The following MCM2 variants were observed in gnomAD, a reference collection of about 807,000 sequenced individuals.
MCM2 encodes DNA replication licensing factor MCM2.
MCM2 carries 49 observed loss-of-function variants against 86.4 expected under a neutral mutation model. The ratio of observed to expected loss-of-function variants is 0.57; its 90% confidence interval spans 0.45 to 0.72. The LOEUF (loss-of-function observed/expected upper bound fraction) is 0.72. Among genes scored for constraint, MCM2 ranks in the 30% least tolerant of loss-of-function variants. The pLI is 0.00. For missense variants in MCM2, 1,038 were observed against 1,259.9 expected (o/e 0.82, Z 2.67); for synonymous variants, 475 against 484.6 (o/e 0.98, Z 0.26).
At position 127,604,684 on chromosome 3, in the gene MCM2, C is replaced by G; in HGVS notation, c.313C>G (p.Leu105Val). ...TCTGGATGATGAGGACGTAGAGGAG[C>G]TGACGGCCAGTCAGAGGGAGGCAGC... ...LALDDEDVEE[L>V]TASQREAAER... Residue 105 changes from leucine to valine, a missense_variant, in exon 3 of 16, where the codon CTG (leucine) becomes GTG (valine). This residue lies in a region of MCM2 where 300 missense variants were observed against 307.4 expected (regional missense o/e 0.98). Coordinates refer to ENST00000265056, the MANE Select transcript of MCM2 (RefSeq NM_004526.4). The G allele has an allele frequency of 6.2e-7, 1 of 1,612,806 alleles. No individual in the cohort carries two copies. Among genetic ancestry groups the G allele is most frequent in the Non-Finnish European group, 8.5e-7 (1 of 1,179,972 alleles).
At position 127,621,877 on chromosome 3, in the gene MCM2, T is replaced by A; in HGVS notation, c.*104T>A. 1.3e-6 allele frequency: 1 copy of A among 774,888 alleles called. No homozygotes were observed. The highest frequency in any genetic ancestry group is 2.1e-6 in the Non-Finnish European group (1 of 471,248). 48.0% of individuals were successfully genotyped at this position (774,888 alleles called of 1,614,324 possible). On this transcript the variant is annotated 3_prime_UTR_variant, in exon 16 of 16. Transcript: ENST00000265056. Reference sequence around the variant, plus strand: ...ACCAGAGCACTTGATGAACTCGGGGTACTAGGGTCAGGGCTTATAGCAGGA... The same window carrying A: ...ACCAGAGCACTTGATGAACTCGGGGAACTAGGGTCAGGGCTTATAGCAGGA...
intron 1 of MCM2, chr3:127,599,088 G>C: frequency 1.7e-6 from 1 of 581,896 alleles, no homozygotes; most frequent in South Asian, 2.1e-5. Context: ...CCCGATATTT[G>C]AGCTGGCTTC....
At chr3:127,621,537 C>T (rs2074478637) in intron 15 of MCM2, 126 bp from the exon 16 acceptor site, 1 of 668,520 alleles carries the variant, frequency 1.5e-6, no homozygotes, top group Non-Finnish European at 2.6e-6. Flanking sequence ...TCGGCCTCTC[C>T]ACCCCTGGAT....
At chr3:127,602,484 G>A (rs2074312908) in intron 2 of MCM2, among the ~76,000 whole-genome samples, 1 of 152,158 alleles carries the variant, frequency 6.6e-6, no homozygotes, top group Non-Finnish European at 1.5e-5. Context: ...GGAGCTCTGG[G>A]CTTGGACTAT....
Position 127,611,935 on chromosome 3 carries a change from G to A in MCM2, c.1428+2912G>A, listed in dbSNP as rs1467532369. ...GGGATGGTCTCGATCTCCTGACCTCGTGATCCGCCCGCCTCGGCCTCCCAA... is the reference window on the plus strand; with the variant it reads ...GGGATGGTCTCGATCTCCTGACCTCATGATCCGCCCGCCTCGGCCTCCCAA... On this transcript the variant is annotated intron_variant, in intron 8 of 15. Transcript: ENST00000265056. 4.8e-5 allele frequency among the ~76,000 whole-genome samples: 7 copies of A among 144,402 alleles called. 2 individuals are homozygous for A. Among genetic ancestry groups the A allele is most frequent in the East Asian group, 3.9e-4 (2 of 5,172 alleles). The allele number at this position is 144,402 out of a possible 152,430, so 94.7% of individuals were successfully genotyped here.
At chr3:127,611,277 C>T (rs1163142438) in intron 8 of MCM2, among the ~76,000 whole-genome samples, 1 of 152,226 alleles carries the variant, frequency 6.6e-6, no homozygotes, top group Non-Finnish European at 1.5e-5. Context: ...AGCCGGGCCA[C>T]CTGTGTCCCA....
rs1287614221 is a variant in MCM2 at position 127,617,897 on chromosome 3, G to C, written c.1901-72G>C. 8.5e-7 allele frequency: 1 copy of C among 1,174,402 alleles called. No homozygotes were observed. Among genetic ancestry groups the C allele is most frequent in the Non-Finnish European group, 1.2e-6 (1 of 803,238 alleles). 72.7% of individuals were successfully genotyped at this position (1,174,402 alleles called of 1,614,324 possible). ...CTGCCCTCATCCCCTTCTGCCATCA[G>C]AGCAGCCTGGGGTCCCTGAGATGGG... On this transcript the variant is annotated intron_variant, in intron 11 of 15. Coordinates refer to ENST00000265056, the MANE Select transcript of MCM2 (RefSeq NM_004526.4). The surrounding 1 kb of genome is among the most constrained non-coding windows in gnomAD (Gnocchi z 4.1).
Position 127,617,073 on chromosome 3 carries a change from G to T in MCM2, c.1728G>T (p.Leu576=), listed in dbSNP as rs1332362436. ...SREWTLEAGA[L]VLADRGVCLI... The stretch of plus-strand genomic sequence containing the variant: ...AGTGGACCTTGGAGGCTGGGGCCCT[G>T]GTTCTGGCTGACCGAGGAGTGTGTC... Residue 576 remains leucine (L), a synonymous_variant, in exon 10 of 16, where the codon CTG becomes CTT. Transcript: ENST00000265056. This position sits in a 1 kb window ranked among gnomAD's most constrained non-coding sequence, Gnocchi z 4.1. The T allele has an allele frequency of 6.2e-7, 1 of 1,614,074 alleles. No individual in the cohort carries two copies. Among genetic ancestry groups the T allele is most frequent in the Non-Finnish European group, 8.5e-7 (1 of 1,180,034 alleles).
chr3:127,615,815 C>T, intron 8 of MCM2, 47 bp from the exon 9 acceptor site: 1 of 1,406,320 alleles, frequency 7.1e-7, no homozygotes, highest in Non-Finnish European at 1.0e-6. Flanking sequence ...GTGACCTACT[C>T]TGTGAGTATC....
At chr3:127,621,293 G>A (rs1191404069) in intron 15 of MCM2, 65 bp downstream of exon 15, 2 of 1,589,516 alleles carry the variant, frequency 1.3e-6, no homozygotes, top group Non-Finnish European at 1.7e-6. Context: ...GTCTCCTGAT[G>A]GGGGCTCCAT....
intron 2 of MCM2, among the ~76,000 whole-genome samples, chr3:127,600,152 G>A (rs374386664): frequency 2.0e-5 from 3 of 152,186 alleles, no homozygotes; most frequent in African/African-American, 2.4e-5. Context: ...ATGGTGGTGC[G>A]TGCTTGTAGT....
chr3:127,619,017 CT>C lies in MCM2; in HGVS notation c.2014-8del. 2 of 1,577,752 alleles carry C rather than the reference CT, an allele frequency of 1.3e-6. No individual in the cohort carries two copies. The highest frequency in any genetic ancestry group is 8.6e-7 in the Non-Finnish European group (1 of 1,157,996). ...CACAATCAGACCCACCCTCTCATGG[CT>C]TATCTTAGGACGAGATGCTGGCCCG... On this transcript the variant is annotated splice_polypyrimidine_tract_variant and intron_variant, in intron 12 of 15. Transcript: ENST00000265056.
intron 2 of MCM2, among the ~76,000 whole-genome samples, chr3:127,602,785 G>A (rs975012100): frequency 6.6e-6 from 1 of 152,226 alleles, no homozygotes; most frequent in Non-Finnish European, 1.5e-5. Flanking sequence ...GGCTGACTGT[G>A]CATGGAAGCC....
Position 127,617,507 on chromosome 3 carries a change from A to C in MCM2, c.1900+102A>C, listed in dbSNP as rs1424193325. The C allele has an allele frequency of 3.5e-6, 5 of 1,412,182 alleles. No homozygotes were observed. Among genetic ancestry groups the C allele is most frequent in the Non-Finnish European group, 4.7e-6 (5 of 1,059,144 alleles). The allele number at this position is 1,412,182 out of a possible 1,614,324, so 87.5% of individuals were successfully genotyped here. A position where few individuals can be genotyped will look rare whatever the true frequency, so the allele number is the denominator to read the frequency against. The stretch of plus-strand genomic sequence containing the variant: ...GGGTCCCCAGGAGCCGATCTGAGGA[A>C]GTCATTGTGCAGCAGAGGGTTCCCC... On this transcript the variant is annotated intron_variant, in intron 11 of 15. Transcript: ENST00000265056. The surrounding 1 kb of genome is among the most constrained non-coding windows in gnomAD (Gnocchi z 4.1).
Position 127,606,732 on chromosome 3 carries a change from T to A in MCM2, c.1016T>A (p.Phe339Tyr). The change falls in exon 6 of 16, where the codon TTC (phenylalanine) becomes TAC (tyrosine). Residue 339 changes from phenylalanine to tyrosine, a missense_variant. Coordinates refer to ENST00000265056, the MANE Select transcript of MCM2 (RefSeq NM_004526.4). The surrounding 1 kb of genome is among the most constrained non-coding windows in gnomAD (Gnocchi z 4.2). ...CNKCNFVLGP[F>Y]CQSQNQEVKP... ...AAGTGCAATTTCGTCCTGGGTCCTTTCTGCCAGTCCCAGAACCAGGAGGTG... is the reference window on the plus strand; with the variant it reads ...AAGTGCAATTTCGTCCTGGGTCCTTACTGCCAGTCCCAGAACCAGGAGGTG... The A allele has an allele frequency of 6.2e-7, 1 of 1,614,236 alleles. No homozygotes were observed. The highest frequency in any genetic ancestry group is 8.5e-7 in the Non-Finnish European group (1 of 1,180,048).
At chr3:127,611,818 C>T (rs1286820762) in intron 8 of MCM2, among the ~76,000 whole-genome samples, 1 of 145,534 alleles carries the variant, frequency 6.9e-6, no homozygotes, top group African/African-American at 2.6e-5. Context: ...CCTGCCTCAG[C>T]CTCCCAAGTA....
chr3:127,620,800 G>A lies in MCM2; in HGVS notation c.2368G>A (p.Asp790Asn), dbSNP rs369079696. 32 of 1,614,140 alleles carry A rather than the reference G, an allele frequency of 2.0e-5. No individual in the cohort carries two copies. The East Asian group carries it at 3.6e-4, about 18-fold the overall frequency. ...IHLRDYVIEDDVNMAIRVMLE... is the reference protein window; with the variant it reads ...IHLRDYVIEDNVNMAIRVMLE... ...TCTGCGGGACTATGTGATCGAAGACGACGTCAACATGGCCATCCGCGTGAT... is the reference window on the plus strand; with the variant it reads ...TCTGCGGGACTATGTGATCGAAGACAACGTCAACATGGCCATCCGCGTGAT... The change falls in exon 14 of 16, where the codon GAC becomes AAC. Residue 790 changes from aspartate to asparagine, a missense_variant. Asp to Asn is a conservative substitution (Grantham distance 23). Coordinates refer to ENST00000265056, the MANE Select transcript of MCM2 (RefSeq NM_004526.4).
intron 2 of MCM2, among the ~76,000 whole-genome samples, chr3:127,603,575 T>G (rs1464646747): frequency 1.3e-5 from 2 of 152,208 alleles, no homozygotes; most frequent in African/African-American, 2.4e-5. Flanking sequence ...AGCCTTGAAC[T>G]CCTGCGCTCA....
rs1487557415 is a variant in MCM2 at position 127,604,980 on chromosome 3, A to G, written c.497A>G (p.Glu166Gly). Residue 166 changes from glutamate (E) to glycine (G), a missense_variant, in exon 4 of 16, where the codon GAG becomes GGG. Physicochemically the swap from Glu to Gly is moderately conservative, Grantham distance 98. Coordinates refer to ENST00000265056, the MANE Select transcript of MCM2 (RefSeq NM_004526.4). Reference sequence around the variant, plus strand: ...ACGGAGGACGGCGAGGAGGACGAGGAGATGATCGAGAGCATCGAGAACCTG... The same window carrying G: ...ACGGAGGACGGCGAGGAGGACGAGGGGATGATCGAGAGCATCGAGAACCTG... ...RATEDGEEDE[E>G]MIESIENLED... 6.2e-7 allele frequency: 1 copy of G among 1,613,968 alleles called. No homozygotes were observed. The highest frequency in any genetic ancestry group is 1.3e-5 in the African/African-American group (1 of 75,060).
Sources: allele counts gnomAD v4.1 joint callset (sites outside exome capture counted in the v4.1 genomes callset), GRCh38; gene constraint gnomAD v4.1.1; regional missense constraint gnomAD v4.1.1; non-coding constraint Gnocchi (gnomAD v3.1); transcripts MANE v1.5; gene names NCBI Gene and HGNC (gene_info 2026-07-23, HGNC 2026-07-21).